The following ATXN1 variants were observed in gnomAD, a reference collection of about 807,000 sequenced individuals.
ATXN1 encodes the protein ataxin 1, also known as ataxin-1.
Under a neutral mutation model 56.4 loss-of-function variants are expected in ATXN1, and 8 were observed. The observed-to-expected ratio is 0.14, with a 90% CI of 0.08 to 0.26. The LOEUF (loss-of-function observed/expected upper bound fraction) is 0.26. ATXN1 is among the 10% of genes least tolerant of loss of function. ATXN1 has a pLI of 1.00. For synonymous variants in ATXN1, 514 were observed against 494.6 expected (o/e 1.04, Z -0.52); for missense variants, 987 against 1,106.5 (o/e 0.89, Z 1.53).
At chr6:16,651,642 G>A (rs1199167697) in intron 3 of ATXN1, among the ~76,000 whole-genome samples, 1 of 152,018 alleles carries the variant, frequency 6.6e-6, no homozygotes, top group Non-Finnish European at 1.5e-5. Context: ...AGTGACCCTG[G>A]AGCCCATAAA....
chr6:16,719,238 C>T (rs1275456332), intron 2 of ATXN1, among the ~76,000 whole-genome samples: 1 of 152,184 alleles, frequency 6.6e-6, no homozygotes, highest in African/African-American at 2.4e-5. Flanking sequence ...AGTATTTCTA[C>T]ATCAAAAATT....
chr6:16,673,293 C>T (rs1445523193), intron 2 of ATXN1, among the ~76,000 whole-genome samples: 1 of 152,184 alleles, frequency 6.6e-6, no homozygotes, highest in African/African-American at 2.4e-5. Flanking sequence ...CATGGCCCAG[C>T]CAGCCACCCA....
At chr6:16,371,265 G>A (rs1003059573) in intron 6 of ATXN1, among the ~76,000 whole-genome samples, 2 of 151,622 alleles carry the variant, frequency 1.3e-5, no homozygotes, top group Non-Finnish European at 2.9e-5. Context: ...GAACACTTAT[G>A]TGAACTAAAT....
intron 5 of ATXN1, among the ~76,000 whole-genome samples, chr6:16,493,452 T>G (rs1226027542): frequency 3.9e-5 from 6 of 151,936 alleles, no homozygotes; most frequent in Non-Finnish European, 8.8e-5. Flanking sequence ...AGAAGTTTTT[T>G]TTTTTTTTTT....
At chr6:16,759,531 T>C (rs1196371902) in intron 1 of ATXN1, among the ~76,000 whole-genome samples, 3 of 80,960 alleles carry the variant, frequency 3.7e-5, no homozygotes, top group Non-Finnish European at 7.6e-5. Context: ...CTTCCGACTG[T>C]TTTTTTTTTT....
chr6:16,493,813 A>G (rs1268666688), intron 5 of ATXN1, among the ~76,000 whole-genome samples: 2 of 152,206 alleles, frequency 1.3e-5, no homozygotes, highest in Non-Finnish European at 2.9e-5. Flanking sequence ...AAATCATCAC[A>G]TAAGTCTCTA....
chr6:16,484,753 T>C (rs1370380083), intron 6 of ATXN1, among the ~76,000 whole-genome samples: 2 of 152,190 alleles, frequency 1.3e-5, no homozygotes, highest in South Asian at 2.1e-4. Context: ...CATATGCATA[T>C]TTTAATACAA....
At chr6:16,527,951 T>C (rs1761425545) in intron 4 of ATXN1, among the ~76,000 whole-genome samples, 1 of 152,142 alleles carries the variant, frequency 6.6e-6, no homozygotes, top group African/African-American at 2.4e-5. Context: ...TTTACATGAG[T>C]GAGCATTAGA....
chr6:16,463,876 T>C (rs1760048509), intron 6 of ATXN1, among the ~76,000 whole-genome samples: 2 of 152,204 alleles, frequency 1.3e-5, no homozygotes. Context: ...CCAGGATCGA[T>C]ACCATCAAGC....
intron 2 of ATXN1, among the ~76,000 whole-genome samples, chr6:16,674,012 A>G (rs1399802096): frequency 2.6e-5 from 4 of 152,076 alleles, no homozygotes; most frequent in Non-Finnish European, 4.4e-5. Context: ...TGTTCTCTCC[A>G]TCAGTTCCCT....
In ATXN1 at chr6:16,306,127, C is replaced by T; in HGVS notation, c.*202G>A. Reference sequence around the variant, plus strand: ...GCTCCTGCTGTGCCCTTCCTCCCGCCCGCTCACTGACAGACACTCGTGGAA... The same window carrying T: ...GCTCCTGCTGTGCCCTTCCTCCCGCTCGCTCACTGACAGACACTCGTGGAA... On this transcript the variant is annotated 3_prime_UTR_variant, in exon 8 of 8. Coordinates refer to ENST00000436367, the MANE Select transcript of ATXN1 (RefSeq NM_001128164.2). This position sits in a 1 kb window ranked among gnomAD's most constrained non-coding sequence, Gnocchi z 5.2. The T allele has an allele frequency of 1.7e-6, 1 of 577,022 alleles. No individual in the cohort carries two copies. Among genetic ancestry groups the T allele is most frequent in the Non-Finnish European group, 2.8e-6 (1 of 352,980 alleles). 35.7% of individuals were successfully genotyped at this position (577,022 alleles called of 1,614,324 possible).
intron 1 of ATXN1, among the ~76,000 whole-genome samples, chr6:16,757,483 T>C (rs951678274): frequency 1.3e-5 from 2 of 152,196 alleles, no homozygotes; most frequent in South Asian, 2.1e-4. Flanking sequence ...GTTGAGTAGC[T>C]AGAAGAAATA....
intron 2 of ATXN1, among the ~76,000 whole-genome samples, chr6:16,725,156 A>C (rs1759821965): frequency 6.6e-6 from 1 of 152,230 alleles, no homozygotes. Flanking sequence ...AAATGAAAGT[A>C]TGTTAACTTC....
intron 6 of ATXN1, among the ~76,000 whole-genome samples, chr6:16,351,691 C>A (rs1434987849): frequency 1.3e-5 from 2 of 152,162 alleles, no homozygotes; most frequent in Non-Finnish European, 2.9e-5. Flanking sequence ...GCATGAGCTA[C>A]CACACCCAGC....
At chr6:16,562,458 G>GGAA (rs1561756150) in intron 4 of ATXN1, among the ~76,000 whole-genome samples, 6 of 51,798 alleles carry the variant, frequency 1.2e-4, no homozygotes, top group African/African-American at 2.7e-4. Flanking sequence ...AAGAAAAGGA[G>GGAA]AGGAGAGGAG....
chr6:16,475,439 T>C (rs1400203457), intron 6 of ATXN1, among the ~76,000 whole-genome samples: 1 of 152,228 alleles, frequency 6.6e-6, no homozygotes, highest in African/African-American at 2.4e-5. Flanking sequence ...AACAGCATCA[T>C]GGCTGCCACA....
At chr6:16,314,954 C>T (rs990161097) in intron 7 of ATXN1, among the ~76,000 whole-genome samples, 1 of 152,094 alleles carries the variant, frequency 6.6e-6, no homozygotes, top group Non-Finnish European at 1.5e-5. Context: ...TTCAGGCTTT[C>T]CAGTTTTAAT....
intron 6 of ATXN1, among the ~76,000 whole-genome samples, chr6:16,468,209 G>A (rs982784309): frequency 1.3e-5 from 2 of 151,954 alleles, no homozygotes; most frequent in African/African-American, 2.4e-5. Context: ...ATTTTGAGAC[G>A]GAGTCTCACT....
At chr6:16,318,707 C>A (rs749319166) in intron 7 of ATXN1, among the ~76,000 whole-genome samples, 21 of 152,294 alleles carry the variant, frequency 1.4e-4, no homozygotes, top group Non-Finnish European at 2.8e-4. Context: ...ACCCTAGCAC[C>A]GGGACGCCTC....
Sources: allele counts gnomAD v4.1 joint callset (sites outside exome capture counted in the v4.1 genomes callset), GRCh38; gene constraint gnomAD v4.1.1; non-coding constraint Gnocchi (gnomAD v3.1); transcripts MANE v1.5; gene names NCBI Gene and HGNC (gene_info 2026-07-23, HGNC 2026-07-21).